SLC24A3: variants seen among roughly 807,000 people sequenced by gnomAD.
The protein encoded by SLC24A3 is sodium/potassium/calcium exchanger 3.
A neutral mutation model predicts 75.8 loss-of-function variants in SLC24A3; 28 were observed. The observed-to-expected ratio is 0.37, with a 90% CI of 0.27 to 0.51. The LOEUF is 0.51. Ranked by LOEUF, SLC24A3 falls within the 20% of genes least tolerant of loss-of-function variation. The pLI is 0.94. For synonymous variants in SLC24A3, 372 were observed against 334.1 expected, an observed-to-expected ratio of 1.11 and a Z score of -1.24; for missense variants, 663 against 847.8, an observed-to-expected ratio of 0.78 and a Z score of 2.71.
chr20:19,412,263 A>G (rs751809789), intron 2 of SLC24A3, among the ~76,000 whole-genome samples: 1 of 152,218 alleles, frequency 6.6e-6, no homozygotes, highest in Non-Finnish European at 1.5e-5. Context: ...AGACAAAGAA[A>G]GATGGGCTTG....
intron 16 of SLC24A3, among the ~76,000 whole-genome samples, chr20:19,720,766 T>C (rs2033096485): frequency 6.6e-6 from 1 of 152,088 alleles, no homozygotes; most frequent in South Asian, 2.1e-4. Context: ...TTTTAGTTAT[T>C]TTTCTACAAC....
Position 19,373,456 on chromosome 20 carries a change from T to C in SLC24A3, c.271+92369T>C, listed in dbSNP as rs180842162. Among the ~76,000 whole-genome samples the C allele has an allele frequency of 4.6e-5, 7 of 152,350 alleles. No individual in the cohort carries two copies. In the East Asian group the frequency reaches 1.4e-3, roughly 29 times the overall value. ...TTGGAGGTCAGAGCTGCCCACATGC[T>C]GCCTGAGCACTCAGCAGGCAGATCC... On this transcript the variant is annotated intron_variant, in intron 2 of 16. Transcript: ENST00000328041.
intron 3 of SLC24A3, among the ~76,000 whole-genome samples, chr20:19,523,885 A>C (rs6112442): frequency 0.28 from 41,919 of 151,834 alleles, 6,203 homozygotes; most frequent in African/African-American, 0.38. Flanking sequence ...ACCCAACTTT[A>C]AAGTTCCAGC....
chr20:19,215,944 C>G (rs1353926450), intron 1 of SLC24A3, among the ~76,000 whole-genome samples: 1 of 152,176 alleles, frequency 6.6e-6, no homozygotes, highest in African/African-American at 2.4e-5. Context: ...GTGCTGGAAT[C>G]AAGAAATTCT....
chr20:19,393,586 GA>G lies in SLC24A3; in HGVS notation c.271+112503del, dbSNP rs565973957. Among the ~76,000 whole-genome samples, 355 of 151,978 alleles carry G rather than the reference GA, an allele frequency of 2.3e-3. 1 individual carries two copies. The highest frequency in any genetic ancestry group is 8.3e-3 in the African/African-American group (346 of 41,448). On this transcript the variant is annotated intron_variant, in intron 2 of 16. Coordinates refer to ENST00000328041, the MANE Select transcript of SLC24A3 (RefSeq NM_020689.4). The stretch of plus-strand genomic sequence containing the variant: ...ATGAATAAGCTGAAAATGAAACCAA[GA>G]AAACAATTTTATTTATAACATTATC...
chr20:19,473,938 A>G (rs1987917947), intron 2 of SLC24A3, among the ~76,000 whole-genome samples: 1 of 152,242 alleles, frequency 6.6e-6, no homozygotes, highest in East Asian at 1.9e-4. Context: ...TAATTCAGCA[A>G]TCTGTCTGGA....
intron 2 of SLC24A3, among the ~76,000 whole-genome samples, chr20:19,452,397 TG>T (rs1987501273): frequency 6.7e-6 from 1 of 148,346 alleles, no homozygotes. Flanking sequence ...TGTGTGTGTG[TG>T]TGTGTGTGTG....
chr20:19,511,618 C>T (rs937720708), intron 2 of SLC24A3, among the ~76,000 whole-genome samples: 2 of 152,144 alleles, frequency 1.3e-5, no homozygotes, highest in African/African-American at 2.4e-5. Context: ...TGAGCCACCG[C>T]GCCCGGCCTG....
intron 6 of SLC24A3, among the ~76,000 whole-genome samples, chr20:19,618,903 T>C (rs138605091): frequency 6.6e-5 from 10 of 152,272 alleles, no homozygotes; most frequent in Admixed American, 2.6e-4. Flanking sequence ...TGTGGCCAGT[T>C]ATTTTTACTG....
chr20:19,261,505 A>AT (rs201320795), intron 1 of SLC24A3, among the ~76,000 whole-genome samples: 16 of 149,904 alleles, frequency 1.1e-4, no homozygotes, highest in South Asian at 4.2e-4. Flanking sequence ...ACATTCAGCT[A>AT]TTTTTTTTTA....
intron 16 of SLC24A3, 72 bp from the exon 17 acceptor site, chr20:19,720,917 TGG>T: frequency 2.5e-6 from 4 of 1,569,774 alleles, no homozygotes; most frequent in Non-Finnish European, 3.5e-6. Context: ...CCGGGTCCCC[TGG>T]GTTCCCCTAC....
At chr20:19,719,447 A>T (rs1331311354) in intron 16 of SLC24A3, among the ~76,000 whole-genome samples, 1 of 151,950 alleles carries the variant, frequency 6.6e-6, no homozygotes, top group African/African-American at 2.4e-5. Context: ...GGGAGATGGG[A>T]TCTGGGGCAT....
intron 6 of SLC24A3, among the ~76,000 whole-genome samples, chr20:19,634,349 C>T (rs1444065291): frequency 1.3e-5 from 2 of 152,128 alleles, no homozygotes; most frequent in Non-Finnish European, 2.9e-5. Context: ...ATGCTAGTTG[C>T]CCAGCGGCCA....
Position 19,335,266 on chromosome 20 carries a change from C to T in SLC24A3, c.271+54179C>T, listed in dbSNP as rs539482668. Among the ~76,000 whole-genome samples the T allele has an allele frequency of 2.6e-5, 4 of 152,306 alleles. No individual in the cohort carries two copies. In the East Asian group the frequency reaches 7.7e-4, roughly 29 times the overall value. The stretch of plus-strand genomic sequence containing the variant: ...GCTAGAATGAAATGAGTGGTGTCCA[C>T]GGATATATATCCACTGCCCCTTAAA... On this transcript the variant is annotated intron_variant, in intron 2 of 16. Transcript: ENST00000328041.
chr20:19,367,862 G>C (rs1985922580), intron 2 of SLC24A3, among the ~76,000 whole-genome samples: 1 of 152,194 alleles, frequency 6.6e-6, no homozygotes. Flanking sequence ...GTTTTGGAAT[G>C]ATCCTTAGTG....
At chr20:19,506,409 T>G (rs1204592942) in intron 2 of SLC24A3, among the ~76,000 whole-genome samples, 1 of 152,210 alleles carries the variant, frequency 6.6e-6, no homozygotes, top group East Asian at 1.9e-4. Context: ...TGTTTCTGGT[T>G]TTTGAAGGGA....
At chr20:19,678,737 T>C (rs1178143520) in intron 9 of SLC24A3, among the ~76,000 whole-genome samples, 64 of 102,564 alleles carry the variant, frequency 6.2e-4, no homozygotes, top group African/African-American at 1.2e-3. Flanking sequence ...GGGCTCCTCA[T>C]TTCTCAGACG....
At chr20:19,647,235 T>C (rs1324605069) in intron 6 of SLC24A3, among the ~76,000 whole-genome samples, 1 of 152,138 alleles carries the variant, frequency 6.6e-6, no homozygotes. Flanking sequence ...CATGACTTGG[T>C]TATTATCTTC....
intron 2 of SLC24A3, among the ~76,000 whole-genome samples, chr20:19,443,143 A>G (rs1242997051): frequency 1.3e-5 from 2 of 152,160 alleles, no homozygotes; most frequent in African/African-American, 4.8e-5. Flanking sequence ...TTTTTCTCCA[A>G]TAGTGTGTTG....
Sources: gnomAD v4.1 joint callset for allele counts (sites outside exome capture counted in the v4.1 genomes callset) on GRCh38, gnomAD v4.1.1 for gene constraint, MANE v1.5 for transcripts, NCBI Gene and HGNC (gene_info 2026-07-23, HGNC 2026-07-21) for gene names.